TTC28: variants seen among roughly 807,000 people sequenced by gnomAD.
TTC28 encodes the protein tetratricopeptide repeat protein 28.
TTC28 carries 61 observed loss-of-function variants against 198.0 expected under a neutral mutation model. The observed-to-expected ratio is 0.31, with a 90% confidence interval of 0.25 to 0.38. TTC28 has a LOEUF of 0.38. Ranked by LOEUF, TTC28 falls within the 10% of genes least tolerant of loss-of-function variation. TTC28 has a pLI of 1.00. For missense variants in TTC28, 2,678 were observed against 3,164.0 expected, an observed-to-expected ratio of 0.85 and a Z score of 3.69; for synonymous variants, 1,171 against 1,297.8, an observed-to-expected ratio of 0.90 and a Z score of 2.10.
In TTC28 at chr22:28,498,498, T is replaced by C. The variant is rs561243233; in HGVS notation, c.381+131054A>G. ...GAGCATCTTCAAGGAAAAGCCCATA[T>C]GTTAATCCTTTATTTCTACTGTATT... On this transcript the variant is annotated intron_variant, in intron 2 of 22. Transcript: ENST00000397906. 9.2e-5 allele frequency among the ~76,000 whole-genome samples: 14 copies of C among 152,304 alleles called. 1 individual carries two copies. In the South Asian group the frequency reaches 2.1e-3, roughly 23 times the overall value.
chr22:28,500,766 G>A (rs568041688), intron 2 of TTC28, among the ~76,000 whole-genome samples: 125 of 152,172 alleles, frequency 8.2e-4, no homozygotes, highest in Middle Eastern at 3.4e-3. Context: ...AATCTTCTGC[G>A]TGATTCCTGA....
intron 5 of TTC28, among the ~76,000 whole-genome samples, chr22:28,263,376 A>G (rs986361381): frequency 6.6e-6 from 1 of 152,142 alleles, no homozygotes; most frequent in African/African-American, 2.4e-5. Context: ...TGATTCACAT[A>G]TTATAATACA....
chr22:28,263,820 CACAA>C (rs139479881), intron 5 of TTC28, among the ~76,000 whole-genome samples: 5,723 of 151,962 alleles, frequency 0.038, 364 homozygotes, highest in African/African-American at 0.13. Flanking sequence ...GGATAGGATC[CACAA>C]ACAGAGTAGT....
At chr22:28,089,760 T>C (rs1941753858) in intron 12 of TTC28, among the ~76,000 whole-genome samples, 1 of 149,824 alleles carries the variant, frequency 6.7e-6, no homozygotes, top group Non-Finnish European at 1.5e-5. Context: ...GTGGCATGTA[T>C]ACACCATGGA....
At chr22:28,636,272 C>A (rs1662794434) in intron 1 of TTC28, among the ~76,000 whole-genome samples, 1 of 150,964 alleles carries the variant, frequency 6.6e-6, no homozygotes, top group South Asian at 2.1e-4. Flanking sequence ...ACTACAGGTG[C>A]CCACCACCAT....
intron 1 of TTC28, among the ~76,000 whole-genome samples, chr22:28,663,177 G>A (rs2051777481): frequency 6.6e-6 from 1 of 151,616 alleles, no homozygotes; most frequent in Admixed American, 6.6e-5. Flanking sequence ...GAACCCAGGA[G>A]GCAGAGATTG....
chr22:28,573,432 G>A (rs900134233), intron 2 of TTC28, among the ~76,000 whole-genome samples: 6 of 151,690 alleles, frequency 4.0e-5, no homozygotes, highest in Non-Finnish European at 5.9e-5. Context: ...CCAGCCTGGC[G>A]ACAGAGCGAG....
chr22:28,060,924 A>C (rs1940504080), intron 12 of TTC28, among the ~76,000 whole-genome samples: 1 of 152,178 alleles, frequency 6.6e-6, no homozygotes, highest in Non-Finnish European at 1.5e-5. Context: ...AACTGGTGTG[A>C]GATGGTATCT....
At chr22:28,433,810 A>G (rs1009796005) in intron 2 of TTC28, among the ~76,000 whole-genome samples, 9 of 151,880 alleles carry the variant, frequency 5.9e-5, no homozygotes, top group Admixed American at 1.3e-4. Context: ...TTACTGGGGG[A>G]AAAAAAAGGC....
intron 21 of TTC28, 46 bp from the exon 22 acceptor site, chr22:27,985,402 C>A (rs1937176149): frequency 6.8e-7 from 1 of 1,469,784 alleles, no homozygotes; most frequent in African/African-American, 1.4e-5. Context: ...CGGGAAGATT[C>A]CAGATCTTGA....
intron 12 of TTC28, among the ~76,000 whole-genome samples, chr22:28,062,445 A>G (rs532170663): frequency 5.6e-4 from 73 of 129,974 alleles, no homozygotes; most frequent in African/African-American, 1.9e-3. Flanking sequence ...AATTATTTGA[A>G]TATTTTCTAG....
chr22:28,541,806 G>T (rs1190277481), intron 2 of TTC28, among the ~76,000 whole-genome samples: 1 of 152,050 alleles, frequency 6.6e-6, no homozygotes. Context: ...TTTACTAGAT[G>T]GGCCAGGGAC....
chr22:28,440,327 A>G (rs1364771270), intron 2 of TTC28, among the ~76,000 whole-genome samples: 2 of 152,172 alleles, frequency 1.3e-5, no homozygotes, highest in African/African-American at 4.8e-5. Flanking sequence ...TTTCTTTGTG[A>G]AAAGGTTGCA....
intron 12 of TTC28, among the ~76,000 whole-genome samples, chr22:28,069,253 T>C (rs1940872196): frequency 6.6e-6 from 1 of 152,202 alleles, no homozygotes; most frequent in African/African-American, 2.4e-5. Context: ...TGTATTCTAG[T>C]TCCATCATTT....
chr22:28,482,582 A>G (rs1459640561), intron 2 of TTC28, among the ~76,000 whole-genome samples: 2 of 151,994 alleles, frequency 1.3e-5, no homozygotes, highest in African/African-American at 2.4e-5. Flanking sequence ...TAAAACTCAT[A>G]TAACATAACA....
chr22:28,137,889 C>T (rs1045536459), intron 6 of TTC28, among the ~76,000 whole-genome samples: 1 of 152,088 alleles, frequency 6.6e-6, no homozygotes, highest in Non-Finnish European at 1.5e-5. Flanking sequence ...GTGGTGGGCA[C>T]CTGTAATCCC....
chr22:28,267,958 T>C (rs924265964), intron 5 of TTC28, among the ~76,000 whole-genome samples: 2 of 152,314 alleles, frequency 1.3e-5, no homozygotes, highest in South Asian at 4.1e-4. Context: ...TTTTCAAAGT[T>C]TAATATCAGG....
At chr22:28,529,361 G>T (rs561300193) in intron 2 of TTC28, among the ~76,000 whole-genome samples, 1 of 152,190 alleles carries the variant, frequency 6.6e-6, no homozygotes, top group African/African-American at 2.4e-5. Flanking sequence ...GCTGGGGGAC[G>T]GGCGCCCACC....
chr22:28,096,012 G>A (rs1170038414), intron 11 of TTC28, among the ~76,000 whole-genome samples, 178 bp downstream of exon 11: 1 of 152,146 alleles, frequency 6.6e-6, no homozygotes, highest in African/African-American at 2.4e-5. Flanking sequence ...GAGAAAGCTG[G>A]GCTGTCTTAT....
Sources: allele counts gnomAD v4.1 joint callset (sites outside exome capture counted in the v4.1 genomes callset), GRCh38; gene constraint gnomAD v4.1.1; transcripts MANE v1.5; gene names NCBI Gene and HGNC (gene_info 2026-07-23, HGNC 2026-07-21).